The following RPS6KA2 variants were observed in gnomAD, a reference collection of about 807,000 sequenced individuals.
RPS6KA2 encodes ribosomal protein S6 kinase A2.
Under a neutral mutation model 91.8 loss-of-function variants are expected in RPS6KA2, and 42 were observed. The ratio of observed to expected loss-of-function variants is 0.46; its 90% CI spans 0.36 to 0.59. RPS6KA2 has a LOEUF of 0.59. Ranked by LOEUF, RPS6KA2 falls within the 20% of genes least tolerant of loss-of-function variation. The probability of loss-of-function intolerance (pLI) is 0.00; values close to 1 mark genes in which losing one functional copy is unlikely to be tolerated. For synonymous variants in RPS6KA2, 414 were observed against 393.6 expected, an observed-to-expected ratio of 1.05 and a Z score of -0.61; for missense variants, 798 against 978.5, an observed-to-expected ratio of 0.82 and a Z score of 2.46.
At chr6:166,723,356 C>T (rs1182267251) in intron 2 of RPS6KA2, among the ~76,000 whole-genome samples, 1 of 152,226 alleles carries the variant, frequency 6.6e-6, no homozygotes, top group Non-Finnish European at 1.5e-5. Context: ...GAATGCACTG[C>T]CTTCCTCACC....
At chr6:166,756,056 C>T (rs978282372) in intron 2 of RPS6KA2, among the ~76,000 whole-genome samples, 29 of 151,956 alleles carry the variant, frequency 1.9e-4, no homozygotes, top group African/African-American at 6.5e-4. Context: ...ATTCTGTGGC[C>T]GAGGCGGGTG....
intron 2 of RPS6KA2, among the ~76,000 whole-genome samples, chr6:166,674,032 C>A (rs1300036792): frequency 1.3e-5 from 2 of 152,236 alleles, no homozygotes; most frequent in Non-Finnish European, 2.9e-5. Context: ...AAGAGAGCTG[C>A]ATCGCTGGGG....
chr6:166,454,822 A>T (rs1780041082), intron 12 of RPS6KA2, among the ~76,000 whole-genome samples: 1 of 151,594 alleles, frequency 6.6e-6, no homozygotes, highest in Non-Finnish European at 1.5e-5. Flanking sequence ...GAACCCAGAC[A>T]TTACTTAAAA....
Position 166,603,189 on chromosome 6 carries a change from G to C in RPS6KA2, c.99+23732C>G, listed in dbSNP as rs576940722. Among the ~76,000 whole-genome samples, 21 of 152,236 alleles carry C rather than the reference G, an allele frequency of 1.4e-4. No homozygotes were observed. Among genetic ancestry groups the C allele is most frequent in the Non-Finnish European group, 2.5e-4 (17 of 68,040 alleles). On this transcript the variant is annotated intron_variant, in intron 1 of 20. Coordinates refer to ENST00000265678, the MANE Select transcript of RPS6KA2 (RefSeq NM_021135.6). This position sits in a 1 kb window ranked among gnomAD's most constrained non-coding sequence, Gnocchi z 4.3. ...GAACCAAACATCACAGATCCAGAAA[G>C]AGCCTTCCCTCTGCTACTTCCCTGT...
chr6:166,823,123 A>C (rs1308721892), intron 2 of RPS6KA2, among the ~76,000 whole-genome samples: 1 of 152,210 alleles, frequency 6.6e-6, no homozygotes, highest in Admixed American at 6.5e-5. Flanking sequence ...AAAAGACAGG[A>C]GCTACATGAG....
chr6:166,559,806 G>C (rs1180942895), intron 1 of RPS6KA2, among the ~76,000 whole-genome samples: 1 of 152,098 alleles, frequency 6.6e-6, no homozygotes, highest in Non-Finnish European at 1.5e-5. Context: ...GGCAACCTAA[G>C]GAAATAATAG....
intron 2 of RPS6KA2, among the ~76,000 whole-genome samples, chr6:166,834,983 C>T (rs1167343422): frequency 6.6e-6 from 1 of 152,084 alleles, no homozygotes; most frequent in Non-Finnish European, 1.5e-5. Flanking sequence ...TTTTTAGTTA[C>T]TTTTATAAAC....
Position 166,508,047 on chromosome 6 carries a change from G to A in RPS6KA2, c.459+156C>T, listed in dbSNP as rs1432962523. Among the ~76,000 whole-genome samples the A allele has an allele frequency of 3.7e-5, 5 of 133,968 alleles. No individual in the cohort carries two copies. Among genetic ancestry groups the A allele is most frequent in the African/African-American group, 1.1e-4 (4 of 34,834 alleles). The allele number at this position is 133,968 out of a possible 152,430, so 87.9% of individuals were successfully genotyped here. A position where few individuals can be genotyped will look rare whatever the true frequency, so the allele number is the denominator to read the frequency against. ...ACACATGTACACCTCTCCCACACAC[G>A]CACTCTTGCACACACTCACACATGC... On this transcript the variant is annotated intron_variant, in intron 5 of 20. Coordinates refer to ENST00000265678, the MANE Select transcript of RPS6KA2 (RefSeq NM_021135.6). The surrounding 1 kb of genome is among the most constrained non-coding windows in gnomAD (Gnocchi z 4.3).
intron 1 of RPS6KA2, among the ~76,000 whole-genome samples, chr6:166,545,094 G>C (rs1228294914): frequency 6.6e-6 from 1 of 152,210 alleles, no homozygotes; most frequent in African/African-American, 2.4e-5. Flanking sequence ...GCAGATAGAA[G>C]CTCTGAAATT....
At chr6:166,585,265 C>T (rs900946609) in intron 1 of RPS6KA2, among the ~76,000 whole-genome samples, 2 of 152,188 alleles carry the variant, frequency 1.3e-5, no homozygotes, top group South Asian at 4.1e-4. Flanking sequence ...GATGGACTTT[C>T]AGTCTCACAT....
intron 2 of RPS6KA2, among the ~76,000 whole-genome samples, chr6:166,655,452 C>A (rs572733876): frequency 1.3e-5 from 2 of 152,184 alleles, no homozygotes; most frequent in African/African-American, 2.4e-5. Context: ...ACAAACAGAG[C>A]GGACTCCTGG....
rs917407956 is a variant in RPS6KA2 at position 166,656,729 on chromosome 6, C to T, written c.124-117945G>A. ...CTGCGCGGTTCACCTGCTGTGGGAA[C>T]GGCAGGCCAGAATTCCCTGTGGAAA... is the stretch of plus-strand genomic sequence containing the variant. On this transcript the variant is annotated intron_variant, in intron 2 of 21. Transcript: ENST00000503859. Among the ~76,000 whole-genome samples, 4 of 152,220 alleles carry T rather than the reference C, an allele frequency of 2.6e-5. No individual in the cohort carries two copies. The South Asian group carries it at 8.3e-4, about 31-fold the overall frequency.
At chr6:166,774,487 G>C (rs544095521) in intron 2 of RPS6KA2, among the ~76,000 whole-genome samples, 1 of 152,144 alleles carries the variant, frequency 6.6e-6, no homozygotes, top group Non-Finnish European at 1.5e-5. Context: ...TGCTGTGACT[G>C]TCCCTGCTGC....
intron 1 of RPS6KA2, among the ~76,000 whole-genome samples, chr6:166,592,739 C>T (rs1481641608): frequency 6.6e-6 from 1 of 152,154 alleles, no homozygotes; most frequent in Non-Finnish European, 1.5e-5. Context: ...TGCGGTCTGC[C>T]CTTACATTCT....
chr6:166,786,571 C>A (rs1562439437), intron 2 of RPS6KA2, among the ~76,000 whole-genome samples: 1 of 151,902 alleles, frequency 6.6e-6, no homozygotes, highest in African/African-American at 2.4e-5. Context: ...TAAAAGTATT[C>A]TTTTTTGTAA....
At chr6:166,742,067 G>T (rs1268789193) in intron 2 of RPS6KA2, among the ~76,000 whole-genome samples, 1 of 152,214 alleles carries the variant, frequency 6.6e-6, no homozygotes, top group Non-Finnish European at 1.5e-5. Context: ...GGCGGCTGTT[G>T]CAGTGAGCCA....
chr6:166,701,015 G>C lies in RPS6KA2; in HGVS notation c.123+157185C>G, dbSNP rs1189332884. On this transcript the variant is annotated intron_variant, in intron 2 of 21. Transcript: ENST00000503859. ...AACTTGTGCATGTGATTCTGGATAG[G>C]GGGTCAGCGCCTGTCTGTTTGTTAA... 2.7e-6 allele frequency: 3 copies of C among 1,099,752 alleles called. No homozygotes were observed. The East Asian group carries it at 7.1e-5, about 26-fold the overall frequency. 68.1% of individuals were successfully genotyped at this position (1,099,752 alleles called of 1,614,324 possible). A position where few individuals can be genotyped will look rare whatever the true frequency, so the allele number is the denominator to read the frequency against.
At chr6:166,443,136 G>A (rs1450844438) in intron 14 of RPS6KA2, among the ~76,000 whole-genome samples, 1 of 151,876 alleles carries the variant, frequency 6.6e-6, no homozygotes, top group Non-Finnish European at 1.5e-5. Flanking sequence ...GTAATAATAC[G>A]ATCTAGAGGA....
At chr6:166,413,211 T>C (rs772066510) in intron 20 of RPS6KA2, among the ~76,000 whole-genome samples, 1 of 143,850 alleles carries the variant, frequency 7.0e-6, no homozygotes, top group African/African-American at 3.0e-5. Context: ...ATTCTGACAG[T>C]GAGGCCAGGT....
Sources: allele counts gnomAD v4.1 joint callset (sites outside exome capture counted in the v4.1 genomes callset), GRCh38; gene constraint gnomAD v4.1.1; non-coding constraint Gnocchi (gnomAD v3.1); transcripts MANE v1.5; gene names NCBI Gene and HGNC (gene_info 2026-07-23, HGNC 2026-07-21).